Variants in FGF12 observed in about 807,000 individuals in gnomAD.
The protein encoded by FGF12 is fibroblast growth factor 12B.
A neutral mutation model predicts 23.6 loss-of-function variants in FGF12; 14 were observed. The observed-to-expected ratio is 0.59, with a 90% CI of 0.39 to 0.93. The LOEUF is 0.93. Among genes scored for constraint, FGF12 ranks in the 40% least tolerant of loss-of-function variants. The pLI is 0.00. For synonymous variants in FGF12, 62 were observed against 77.3 expected (o/e 0.80, Z 1.04); for missense variants, 175 against 217.8 (o/e 0.80, Z 1.24).
intron 4 of FGF12, among the ~76,000 whole-genome samples, chr3:192,196,965 C>T (rs138070574): frequency 5.9e-4 from 89 of 152,000 alleles, no homozygotes; most frequent in African/African-American, 2.0e-3. Flanking sequence ...GGAAAGAGAT[C>T]GGTTATGAGA....
chr3:192,482,638 A>C (rs1334052749), intron 2 of FGF12, among the ~76,000 whole-genome samples: 3 of 152,138 alleles, frequency 2.0e-5, no homozygotes, highest in African/African-American at 7.2e-5. Flanking sequence ...CGTCTCAAAA[A>C]ACAAAAAACA....
At chr3:192,356,855 A>G (rs1216193669) in intron 3 of FGF12, among the ~76,000 whole-genome samples, 1 of 152,258 alleles carries the variant, frequency 6.6e-6, no homozygotes, top group Non-Finnish European at 1.5e-5. Flanking sequence ...TTTCTATGAA[A>G]CAAATGAGTA....
chr3:192,421,975 G>C (rs1159277938), intron 2 of FGF12, among the ~76,000 whole-genome samples: 1 of 152,168 alleles, frequency 6.6e-6, no homozygotes, highest in East Asian at 1.9e-4. Flanking sequence ...TGGGGAGATG[G>C]CCCAAAACAA....
chr3:192,390,607 A>C, intron 2 of FGF12, among the ~76,000 whole-genome samples: 1 of 152,220 alleles, frequency 6.6e-6, no homozygotes. Flanking sequence ...TATATGAAAC[A>C]GAAGCTGATA....
At chr3:192,187,290 A>C (rs1716524721) in intron 4 of FGF12, among the ~76,000 whole-genome samples, 1 of 152,134 alleles carries the variant, frequency 6.6e-6, no homozygotes, top group Non-Finnish European at 1.5e-5. Flanking sequence ...TTTTTGAGCA[A>C]AGGCAAAATT....
chr3:192,553,100 A>AAT (rs1711602903), intron 2 of FGF12, among the ~76,000 whole-genome samples: 1 of 152,154 alleles, frequency 6.6e-6, no homozygotes, highest in Non-Finnish European at 1.5e-5. Context: ...AATACGCTAT[A>AAT]ATAATTTGTT....
intron 2 of FGF12, among the ~76,000 whole-genome samples, chr3:192,634,892 C>T (rs1408180030): frequency 6.6e-6 from 1 of 152,126 alleles, no homozygotes; most frequent in African/African-American, 2.4e-5. Context: ...CAGAGTCTCA[C>T]TCTGTTTCCC....
intron 2 of FGF12, among the ~76,000 whole-genome samples, chr3:192,488,035 T>A (rs1723685696): frequency 1.3e-5 from 2 of 152,036 alleles, no homozygotes; most frequent in Non-Finnish European, 2.9e-5. Flanking sequence ...GCTGACAAGA[T>A]CTCTAAAATA....
chr3:192,603,774 A>G lies in FGF12; in HGVS notation c.13+123407T>C, dbSNP rs550617208. 3.3e-5 allele frequency among the ~76,000 whole-genome samples: 5 copies of G among 152,296 alleles called. No individual in the cohort carries two copies. In the East Asian group the frequency reaches 5.8e-4, roughly 18 times the overall value. On this transcript the variant is annotated intron_variant, in intron 2 of 5. Transcript: ENST00000445105. ...TTCTGAGGAAACAGGACAAAGGGCA[A>G]AAGGCAGAACTCCTGATAAGGGTCT...
At chr3:192,357,584 AC>A (rs1433776179) in intron 3 of FGF12, among the ~76,000 whole-genome samples, 1 of 152,130 alleles carries the variant, frequency 6.6e-6, no homozygotes, top group Non-Finnish European at 1.5e-5. Context: ...AAAAAAAAAA[AC>A]AAACAACTTT....
At chr3:192,403,352 T>TA (rs1720837228) in intron 2 of FGF12, among the ~76,000 whole-genome samples, 4 of 152,348 alleles carry the variant, frequency 2.6e-5, no homozygotes, top group Middle Eastern at 3.4e-3. Flanking sequence ...AATCTCGAGT[T>TA]ACGTCTTGAT....
intron 2 of FGF12, among the ~76,000 whole-genome samples, chr3:192,717,857 TTTCTTTTATTCTTCGCATAATC>T: frequency 6.6e-6 from 1 of 152,200 alleles, no homozygotes; most frequent in Non-Finnish European, 1.5e-5. Flanking sequence ...GATATTTCCC[TTTCTTTTATTCTTCGCATAATC>T]AAGAAATTCA....
chr3:192,684,266 T>A (rs1050662767), intron 2 of FGF12, among the ~76,000 whole-genome samples: 2 of 152,156 alleles, frequency 1.3e-5, no homozygotes, highest in African/African-American at 2.4e-5. Context: ...CTGCCTGTGT[T>A]AACGGGGTTA....
chr3:192,495,401 C>A (rs1270294842), intron 2 of FGF12, among the ~76,000 whole-genome samples: 3 of 152,030 alleles, frequency 2.0e-5, no homozygotes, highest in African/African-American at 2.4e-5. Flanking sequence ...TTACATCATG[C>A]AGTATATAAT....
chr3:192,388,785 CA>C (rs1221476977), intron 2 of FGF12, among the ~76,000 whole-genome samples: 3 of 151,604 alleles, frequency 2.0e-5, no homozygotes, highest in African/African-American at 7.3e-5. Context: ...AATAAGTATT[CA>C]AGTTTGAAAA....
At chr3:192,268,698 C>T (rs369051048) in intron 4 of FGF12, 1 of 449,760 alleles carries the variant, frequency 2.2e-6, no homozygotes, top group African/African-American at 2.0e-5. Context: ...TGAGGCTTCC[C>T]TAGAAACCAA....
At chr3:192,705,496 C>T (rs1443534415) in intron 2 of FGF12, among the ~76,000 whole-genome samples, 1 of 152,160 alleles carries the variant, frequency 6.6e-6, no homozygotes, top group Non-Finnish European at 1.5e-5. Context: ...TCTCTAGTAA[C>T]TTTAAATTTG....
intron 2 of FGF12, among the ~76,000 whole-genome samples, chr3:192,386,903 G>A (rs541368684): frequency 9.0e-4 from 137 of 152,306 alleles, no homozygotes; most frequent in Non-Finnish European, 1.6e-3. Context: ...TACAGGGCTA[G>A]TGCCTTTATA....
intron 5 of FGF12, among the ~76,000 whole-genome samples, chr3:192,149,157 G>A (rs536002487): frequency 6.6e-6 from 1 of 152,082 alleles, no homozygotes; most frequent in Admixed American, 6.5e-5. Flanking sequence ...ACGTCCATCC[G>A]ACATGAGTGT....
Sources: gnomAD v4.1 joint callset for allele counts (sites outside exome capture counted in the v4.1 genomes callset) on GRCh38, gnomAD v4.1.1 for gene constraint, MANE v1.5 for transcripts, NCBI Gene and HGNC (gene_info 2026-07-23, HGNC 2026-07-21) for gene names.